The following RIPK1 variants were observed in gnomAD, a reference collection of about 807,000 sequenced individuals.
The protein encoded by RIPK1 is receptor interacting serine/threonine kinase 1.
A neutral mutation model predicts 62.4 loss-of-function variants in RIPK1; 27 were observed. That is an observed-to-expected ratio of 0.43 (90% CI 0.32 to 0.60). The LOEUF (loss-of-function observed/expected upper bound fraction) is 0.60. RIPK1 is among the 20% of genes least tolerant of loss of function. The pLI is 0.07. For missense variants in RIPK1, 735 were observed against 831.0 expected (o/e 0.88, Z 1.42); for synonymous variants, 287 against 303.2 (o/e 0.95, Z 0.55).
At chr6:3,100,069 T>A (rs1185715823) in intron 7 of RIPK1, among the ~76,000 whole-genome samples, 1 of 152,178 alleles carries the variant, frequency 6.6e-6, no homozygotes, top group African/African-American at 2.4e-5. Context: ...GATTAGCTGT[T>A]AGTGAAAAAA....
At chr6:3,094,670 GAAGTA>G (rs2113657142) in intron 7 of RIPK1, among the ~76,000 whole-genome samples, 1 of 151,502 alleles carries the variant, frequency 6.6e-6, no homozygotes, top group African/African-American at 2.4e-5. Flanking sequence ...AGAGAAAAAA[GAAGTA>G]AATAATAAGG....
intron 1 of RIPK1, among the ~76,000 whole-genome samples, chr6:3,074,688 T>G (rs1047541940): frequency 2.7e-5 from 4 of 150,478 alleles, no homozygotes; most frequent in African/African-American, 9.8e-5. Context: ...TTATTTTAAT[T>G]TTTTTGAGAC....
chr6:3,107,590 C>T (rs1215000676), intron 9 of RIPK1, among the ~76,000 whole-genome samples: 2 of 148,346 alleles, frequency 1.3e-5, no homozygotes, highest in Non-Finnish European at 3.0e-5. Context: ...AAAAAAAATT[C>T]CAAAACTCTT....
chr6:3,097,475 T>C (rs1161627942), intron 7 of RIPK1, among the ~76,000 whole-genome samples: 1 of 152,208 alleles, frequency 6.6e-6, no homozygotes, highest in Non-Finnish European at 1.5e-5. Context: ...GAGATGGCAC[T>C]GTAGAGCAGT....
intron 7 of RIPK1, among the ~76,000 whole-genome samples, 154 bp from the exon 8 acceptor site, chr6:3,104,071 C>T (rs2113688013): frequency 6.6e-6 from 1 of 152,232 alleles, no homozygotes; most frequent in Middle Eastern, 3.4e-3. Context: ...ATCATTTTGG[C>T]TATTTGGGAA....
chr6:3,096,043 C>T (rs1385402801), intron 7 of RIPK1, among the ~76,000 whole-genome samples: 4 of 152,072 alleles, frequency 2.6e-5, no homozygotes, highest in South Asian at 2.1e-4. Flanking sequence ...TGCCATGTTG[C>T]CCAGGCTGGT....
At chr6:3,094,527 A>G (rs1581416121) in intron 7 of RIPK1, among the ~76,000 whole-genome samples, 2 of 151,550 alleles carry the variant, frequency 1.3e-5, no homozygotes, top group Admixed American at 1.3e-4. Flanking sequence ...TTAAAATTAT[A>G]AAATGCACTT....
chr6:3,080,273 C>A (rs566404624), intron 3 of RIPK1, among the ~76,000 whole-genome samples: 35 of 152,152 alleles, frequency 2.3e-4, no homozygotes, highest in African/African-American at 8.2e-4. Flanking sequence ...TATTGTTAAG[C>A]AAAACTGTAA....
chr6:3,105,524 G>A lies in RIPK1; in HGVS notation c.1049G>A (p.Gly350Glu), dbSNP rs1192115416. ...PGSLHSSQGL[G>E]MGPVEESWFA... ...TCACTGCACAGTTCCCAGGGACTTG[G>A]GATGGGTCCTGTGGAGGAGTCCTGG... Residue 350 changes from glycine to glutamate, a missense_variant, in exon 9 of 11, where the codon GGG (glycine) becomes GAG (glutamate). Physicochemically the swap from Gly to Glu is moderately conservative, Grantham distance 98. This residue lies in a region of RIPK1 where 671 missense variants were observed against 726.2 expected (regional missense o/e 0.92). Coordinates refer to ENST00000259808, the MANE Select transcript of RIPK1 (RefSeq NM_001354930.2). The surrounding 1 kb of genome is among the most constrained non-coding windows in gnomAD (Gnocchi z 4.5). The A allele has an allele frequency of 6.3e-7, 1 of 1,589,354 alleles. No homozygotes were observed. Among genetic ancestry groups the A allele is most frequent in the African/African-American group, 1.4e-5 (1 of 73,908 alleles).
At chr6:3,080,483 G>T (rs146293838) in intron 3 of RIPK1, among the ~76,000 whole-genome samples, 1 of 152,292 alleles carries the variant, frequency 6.6e-6, no homozygotes, top group African/African-American at 2.4e-5. Flanking sequence ...ATTGTAATCA[G>T]TGTGAACATG....
chr6:3,077,039 T>C (rs775047553), intron 2 of RIPK1, 52 bp downstream of exon 2: 12 of 1,516,466 alleles, frequency 7.9e-6, no homozygotes, highest in Non-Finnish European at 3.5e-6. Flanking sequence ...GATGGGGACG[T>C]TGGCTGTTGT....
chr6:3,107,490 G>A (rs1301537574), intron 9 of RIPK1, among the ~76,000 whole-genome samples: 1 of 148,404 alleles, frequency 6.7e-6, no homozygotes, highest in African/African-American at 2.5e-5. Context: ...ACTTGAACCC[G>A]GGAGGCAGAG....
Position 3,113,524 on chromosome 6 carries a change from T to C in RIPK1, c.*185T>C, listed in dbSNP as rs1761271350. On this transcript the variant is annotated 3_prime_UTR_variant, in exon 11 of 11. Coordinates refer to ENST00000259808, the MANE Select transcript of RIPK1 (RefSeq NM_001354930.2). This position sits in a 1 kb window ranked among gnomAD's most constrained non-coding sequence, Gnocchi z 5.0. ...GAAATCTGCAGCAAAGGGGTCTCAC[T>C]CTGTTGCCAGGCTGGTCTCAAACTT... 3 of 579,982 alleles carry C rather than the reference T, an allele frequency of 5.2e-6. No individual in the cohort carries two copies. The East Asian group carries it at 8.6e-5, about 17-fold the overall frequency. 35.9% of individuals were successfully genotyped at this position (579,982 alleles called of 1,614,324 possible).
In RIPK1 at chr6:3,105,966, G is replaced by A. The variant is rs1450870081; in HGVS notation, c.1491G>A (p.Met497Ile). 3 of 1,614,064 alleles carry A rather than the reference G, an allele frequency of 1.9e-6. No homozygotes were observed. The highest frequency in any genetic ancestry group is 1.1e-5 in the South Asian group (1 of 91,080). ...GGTACAGGCCAATTCCAAGTCATAT[G>A]CCTAGTCTGCATAATATCCCAGTGC... Reference protein sequence around the residue: ...RVWYRPIPSHMPSLHNIPVPE... With the variant: ...RVWYRPIPSHIPSLHNIPVPE... Residue 497 changes from methionine to isoleucine, a missense_variant, in exon 9 of 11, where the codon ATG becomes ATA. By Grantham distance (10) the Met-to-Ile change is conservative. Around this residue, in one of 2 missense-constraint regions of RIPK1, gnomAD observed 671 missense variants for 726.2 expected, o/e 0.92. Coordinates refer to ENST00000259808, the MANE Select transcript of RIPK1 (RefSeq NM_001354930.2). This position sits in a 1 kb window ranked among gnomAD's most constrained non-coding sequence, Gnocchi z 4.5.
At chr6:3,083,735 G>A (rs1245397846) in intron 5 of RIPK1, among the ~76,000 whole-genome samples, 1 of 152,132 alleles carries the variant, frequency 6.6e-6, no homozygotes, top group East Asian at 1.9e-4. Flanking sequence ...ACTGATGGAT[G>A]TTGTCCTACA....
rs1760722231 is a variant in RIPK1 at position 3,104,294 on chromosome 6, C to T, written c.985C>T (p.Pro329Ser). 1.3e-6 allele frequency: 2 copies of T among 1,594,300 alleles called. No homozygotes were observed. Among genetic ancestry groups the T allele is most frequent in the Non-Finnish European group, 1.7e-6 (2 of 1,163,752 alleles). The change falls in exon 8 of 11, where the codon CCT becomes TCT. Residue 329 changes from proline to serine, a missense_variant. Physicochemically the swap from Pro to Ser is moderately conservative, Grantham distance 74 (BLOSUM62 -1). Around this residue, in one of 2 missense-constraint regions of RIPK1, gnomAD observed 671 missense variants for 726.2 expected, o/e 0.92. Coordinates refer to ENST00000259808, the MANE Select transcript of RIPK1 (RefSeq NM_001354930.2). ...QSLQLDCVAV[P>S]SSRSNSATEQ... ...TCTTCAACTTGATTGTGTGGCAGTA[C>T]CTTCAAGCCGGTCAAATTCAGGTAA... is the stretch of plus-strand genomic sequence containing the variant.
Position 3,105,580 on chromosome 6 carries a change from G to A in RIPK1, c.1105G>A (p.Glu369Lys). 6.2e-7 allele frequency: 1 copy of A among 1,613,926 alleles called. No individual in the cohort carries two copies. The highest frequency in any genetic ancestry group is 8.5e-7 in the Non-Finnish European group (1 of 1,179,892). The change falls in exon 9 of 11, where the codon GAG becomes AAG. Residue 369 changes from glutamate to lysine, a missense_variant. Physicochemically the swap from Glu to Lys is moderately conservative, Grantham distance 56. Coordinates refer to ENST00000259808, the MANE Select transcript of RIPK1 (RefSeq NM_001354930.2). This position sits in a 1 kb window ranked among gnomAD's most constrained non-coding sequence, Gnocchi z 4.5. ...FAPSLEHPQEENEPSLQSKLQ... is the reference protein window; with the variant it reads ...FAPSLEHPQEKNEPSLQSKLQ... ...TCCTTCCCTGGAGCACCCACAAGAA[G>A]AGAATGAGCCCAGCCTGCAGAGTAA...
At chr6:3,111,962 T>G (rs1318752534) in intron 10 of RIPK1, among the ~76,000 whole-genome samples, 3 of 152,180 alleles carry the variant, frequency 2.0e-5, no homozygotes, top group Admixed American at 6.5e-5. Context: ...AAGAATGAAA[T>G]GTTTTCTTCC....
At chr6:3,068,834 A>G in intron 1 of RIPK1, 173 bp downstream of exon 1, 1 of 240,100 alleles carries the variant, frequency 4.2e-6, no homozygotes, top group Non-Finnish European at 6.7e-6. Flanking sequence ...CCGGGCCTCC[A>G]GACGTTTGCC....
Sources: gnomAD v4.1 joint callset for allele counts (sites outside exome capture counted in the v4.1 genomes callset) on GRCh38, gnomAD v4.1.1 for gene constraint, gnomAD v4.1.1 regional missense constraint, Gnocchi (gnomAD v3.1) non-coding constraint, MANE v1.5 for transcripts, NCBI Gene and HGNC (gene_info 2026-07-23, HGNC 2026-07-21) for gene names.